The following RANBP17 variants were observed in gnomAD, a reference collection of about 807,000 sequenced individuals.
RANBP17 encodes RAN binding protein 17.
A neutral mutation model predicts 141.2 loss-of-function variants in RANBP17; 158 were observed. The ratio of observed to expected loss-of-function variants is 1.12; its 90% CI spans 0.98 to 1.28. RANBP17 has a LOEUF of 1.28. Among genes scored for constraint, RANBP17 ranks in the 50% most tolerant of loss-of-function variants. RANBP17 has a pLI of 0.00. For synonymous variants in RANBP17, 430 were observed against 450.0 expected (o/e 0.96, Z 0.56); for missense variants, 1,438 against 1,290.7 (o/e 1.11, Z -1.75).
At chr5:170,880,260 G>A (rs1768546468) in intron 2 of RANBP17, among the ~76,000 whole-genome samples, 1 of 152,152 alleles carries the variant, frequency 6.6e-6, no homozygotes, top group Admixed American at 6.6e-5. Flanking sequence ...AATGGTATGA[G>A]CATTATAAGA....
intron 3 of RANBP17, among the ~76,000 whole-genome samples, chr5:170,883,236 T>G (rs1443357921): frequency 6.6e-6 from 1 of 152,242 alleles, no homozygotes; most frequent in Non-Finnish European, 1.5e-5. Flanking sequence ...ATAAAACTTG[T>G]GATTTTGTTT....
intron 22 of RANBP17, among the ~76,000 whole-genome samples, chr5:171,233,507 A>T (rs1415316792): frequency 1.3e-5 from 2 of 152,144 alleles, no homozygotes; most frequent in Admixed American, 1.3e-4. Context: ...TCAATAGGTG[A>T]GTGGATAAAT....
Position 170,949,816 on chromosome 5 carries a change from A to G in RANBP17, c.1469-3781A>G, listed in dbSNP as rs560797157. Among the ~76,000 whole-genome samples the G allele has an allele frequency of 8.5e-4, 129 of 152,232 alleles. 1 individual carries two copies. The highest frequency in any genetic ancestry group is 2.8e-3 in the African/African-American group (116 of 41,514). On this transcript the variant is annotated intron_variant, in intron 12 of 27. Transcript: ENST00000523189. ...TTATAATAGTCAAAAGATGGAAACA[A>G]TCCAAGCTTCCATCAACTGAATGGG...
At chr5:170,981,264 T>G (rs576688031) in intron 14 of RANBP17, among the ~76,000 whole-genome samples, 2 of 151,180 alleles carry the variant, frequency 1.3e-5, no homozygotes, top group Admixed American at 1.3e-4. Flanking sequence ...CTGTGGACTT[T>G]GAGTTAATGC....
chr5:170,918,877 A>G lies in RANBP17; in HGVS notation c.1101+18A>G. On this transcript the variant is annotated intron_variant, in intron 10 of 27. Coordinates refer to ENST00000523189, the MANE Select transcript of RANBP17 (RefSeq NM_022897.5). ...GCCTACAGGTAGGTAAAAATATGTA[A>G]TTATGTTAAACTGTAGCCAGTTTTA... 1 of 1,522,668 alleles carries G rather than the reference A, an allele frequency of 6.6e-7. No homozygotes were observed. Among genetic ancestry groups the G allele is most frequent in the Non-Finnish European group, 8.9e-7 (1 of 1,126,156 alleles). The allele number at this position is 1,522,668 out of a possible 1,614,324, so 94.3% of individuals were successfully genotyped here. A position where few individuals can be genotyped will look rare whatever the true frequency, so the allele number is the denominator to read the frequency against.
chr5:171,122,672 G>A (rs1476393582), intron 14 of RANBP17, among the ~76,000 whole-genome samples: 1 of 152,210 alleles, frequency 6.6e-6, no homozygotes, highest in Non-Finnish European at 1.5e-5. Flanking sequence ...CTAGCCATTG[G>A]AGTGCCCCTT....
intron 24 of RANBP17, among the ~76,000 whole-genome samples, chr5:171,247,971 A>G (rs1454500587): frequency 6.6e-6 from 1 of 152,254 alleles, no homozygotes; most frequent in Non-Finnish European, 1.5e-5. Context: ...GACTGAAGAC[A>G]TCAGACATCT....
At chr5:171,102,386 G>A (rs1787232330) in intron 14 of RANBP17, among the ~76,000 whole-genome samples, 1 of 151,182 alleles carries the variant, frequency 6.6e-6, no homozygotes, top group Non-Finnish European at 1.5e-5. Flanking sequence ...GATTGATTTG[G>A]CTATTGATAC....
At chr5:171,086,858 T>TG (rs1353384693) in intron 14 of RANBP17, among the ~76,000 whole-genome samples, 1 of 147,788 alleles carries the variant, frequency 6.8e-6, no homozygotes, top group African/African-American at 2.5e-5. Flanking sequence ...CTCTCTTTTT[T>TG]TCTTCATTAG....
At chr5:171,155,891 C>A (rs937042768) in intron 14 of RANBP17, among the ~76,000 whole-genome samples, 1 of 152,048 alleles carries the variant, frequency 6.6e-6, no homozygotes, top group Admixed American at 6.6e-5. Flanking sequence ...TAATAAAAGG[C>A]AATACACTAC....
chr5:171,107,851 G>A (rs771435528), intron 14 of RANBP17, among the ~76,000 whole-genome samples: 7 of 152,174 alleles, frequency 4.6e-5, no homozygotes, highest in African/African-American at 1.2e-4. Flanking sequence ...AGGTTAATGC[G>A]TGCTTGCTGC....
At chr5:171,176,072 A>G (rs1299461054) in intron 16 of RANBP17, among the ~76,000 whole-genome samples, 1 of 152,144 alleles carries the variant, frequency 6.6e-6, no homozygotes, top group Non-Finnish European at 1.5e-5. Context: ...TTTGATATAA[A>G]GAAATAATTC....
intron 14 of RANBP17, among the ~76,000 whole-genome samples, chr5:171,040,044 A>G (rs1397400196): frequency 6.6e-6 from 1 of 152,032 alleles, no homozygotes; most frequent in Non-Finnish European, 1.5e-5. Context: ...TCAGCCTGGT[A>G]CCAAAATCTG....
intron 14 of RANBP17, among the ~76,000 whole-genome samples, chr5:171,159,011 A>G (rs775084213): frequency 1.7e-4 from 26 of 152,214 alleles, no homozygotes; most frequent in Non-Finnish European, 2.8e-4. Context: ...CTAACCTGCA[A>G]TGGGTTTCTG....
Position 171,007,806 on chromosome 5 carries a change from A to G in RANBP17, c.1710+39429A>G, listed in dbSNP as rs147510988. Among the ~76,000 whole-genome samples the G allele has an allele frequency of 4.0e-3, 616 of 152,296 alleles. 5 individuals carry two copies. Among genetic ancestry groups the G allele is most frequent in the African/African-American group, 0.014 (594 of 41,568 alleles). On this transcript the variant is annotated intron_variant, in intron 14 of 27. Transcript: ENST00000523189. Reference sequence around the variant, plus strand: ...AAGATGCTTAGATTTTAGGTCAGGCAAGAGTTGAAGAGGTTTTAAGTTCTT... The same window carrying G: ...AAGATGCTTAGATTTTAGGTCAGGCGAGAGTTGAAGAGGTTTTAAGTTCTT...
At chr5:170,879,982 A>T (rs1454824748) in intron 2 of RANBP17, among the ~76,000 whole-genome samples, 1 of 152,212 alleles carries the variant, frequency 6.6e-6, no homozygotes, top group Non-Finnish European at 1.5e-5. Context: ...AATATGGTGA[A>T]TAACCATAGA....
intron 9 of RANBP17, among the ~76,000 whole-genome samples, chr5:170,917,698 C>G (rs545476253): frequency 3.3e-5 from 5 of 152,072 alleles, no homozygotes; most frequent in African/African-American, 1.2e-4. Flanking sequence ...GAGGATTTTA[C>G]CAATATACTT....
chr5:170,900,300 A>G (rs1244484764), intron 5 of RANBP17, among the ~76,000 whole-genome samples: 2 of 152,142 alleles, frequency 1.3e-5, no homozygotes, highest in Non-Finnish European at 2.9e-5. Flanking sequence ...TTATTTGCAT[A>G]GAGGTGTTTA....
intron 14 of RANBP17, among the ~76,000 whole-genome samples, chr5:171,154,340 G>C (rs978567112): frequency 1.3e-5 from 2 of 151,988 alleles, no homozygotes; most frequent in African/African-American, 4.8e-5. Context: ...GCGGTGGCAC[G>C]ATCTCGGCTC....
Sources: gnomAD v4.1 joint callset for allele counts (sites outside exome capture counted in the v4.1 genomes callset) on GRCh38, gnomAD v4.1.1 for gene constraint, MANE v1.5 for transcripts, NCBI Gene and HGNC (gene_info 2026-07-23, HGNC 2026-07-21) for gene names.